The following TASP1 variants were observed in gnomAD, a reference collection of about 807,000 sequenced individuals.
TASP1 encodes threonine aspartase 1.
TASP1 carries 16 observed loss-of-function variants against 56.6 expected under a neutral mutation model. The observed-to-expected ratio is 0.28, with a 90% CI of 0.19 to 0.43. TASP1 has a LOEUF of 0.43. TASP1 is among the 20% of genes least tolerant of loss of function. TASP1 has a pLI of 1.00. For missense variants in TASP1, 393 were observed against 511.6 expected, an observed-to-expected ratio of 0.77 and a Z score of 2.24; for synonymous variants, 179 against 184.2, an observed-to-expected ratio of 0.97 and a Z score of 0.23.
At chr20:13,390,913 A>C (rs2123558100) in intron 13 of TASP1, among the ~76,000 whole-genome samples, 1 of 152,326 alleles carries the variant, frequency 6.6e-6, no homozygotes. Context: ...AGTAGCTTAC[A>C]AAAACTCAGA....
intron 12 of TASP1, 127 bp downstream of exon 12, chr20:13,434,917 T>A (rs1292793742): frequency 3.4e-6 from 2 of 596,348 alleles, no homozygotes; most frequent in Non-Finnish European, 5.9e-6. Flanking sequence ...AACAGGGATG[T>A]TCAGATATCA....
At chr20:13,315,224 C>T in the TASP1 span, among the ~76,000 whole-genome samples, 1 of 151,900 alleles carries the variant, frequency 6.6e-6, no homozygotes, top group African/African-American at 2.4e-5. Flanking sequence ...CATCAATGAC[C>T]TAAATATACC....
intron 11 of TASP1, among the ~76,000 whole-genome samples, chr20:13,458,567 T>C (rs529346658): frequency 1.3e-5 from 2 of 152,146 alleles, no homozygotes; most frequent in African/African-American, 4.8e-5. Flanking sequence ...CTCAAACTCC[T>C]GACCCTTGGA....
At chr20:13,274,676 C>A in the TASP1 span, among the ~76,000 whole-genome samples, 27 of 151,846 alleles carry the variant, frequency 1.8e-4, no homozygotes, top group African/African-American at 6.5e-4. Flanking sequence ...CCCCGCCCCC[C>A]CCGCGCCCGG....
the TASP1 span, chr20:13,167,433 G>A: frequency 6.6e-6 from 1 of 152,052 alleles, no homozygotes; most frequent in Non-Finnish European, 1.5e-5. Context: ...TGCGCACTCA[G>A]CCCTTCTGTT....
intron 13 of TASP1, among the ~76,000 whole-genome samples, chr20:13,412,819 T>C (rs1315469834): frequency 6.6e-6 from 1 of 152,344 alleles, no homozygotes; most frequent in Non-Finnish European, 1.5e-5. Flanking sequence ...ATCTGGAATG[T>C]TGAATTTGGA....
the TASP1 span, among the ~76,000 whole-genome samples, chr20:13,306,270 T>C: frequency 6.6e-6 from 1 of 152,198 alleles, no homozygotes; most frequent in Admixed American, 6.5e-5. Flanking sequence ...AAAGGAATTT[T>C]TTTTCTATGT....
chr20:13,188,503 A>G, the TASP1 span, among the ~76,000 whole-genome samples: 30 of 152,202 alleles, frequency 2.0e-4, no homozygotes, highest in Non-Finnish European at 3.4e-4. Context: ...CTACAATAAA[A>G]ACTATAAAAC....
the TASP1 span, among the ~76,000 whole-genome samples, chr20:13,356,470 T>G: frequency 1.3e-5 from 2 of 152,236 alleles, no homozygotes; most frequent in Non-Finnish European, 2.9e-5. Flanking sequence ...TAGCTCAACA[T>G]GACTTTACTG....
At chr20:13,275,565 T>C in the TASP1 span, among the ~76,000 whole-genome samples, 1 of 152,318 alleles carries the variant, frequency 6.6e-6, no homozygotes, top group East Asian at 1.9e-4. Context: ...CGTAGCCCCA[T>C]GCGGGTTACT....
At chr20:13,581,829 G>GC (rs2047136213) in intron 5 of TASP1, among the ~76,000 whole-genome samples, 1 of 152,146 alleles carries the variant, frequency 6.6e-6, no homozygotes, top group South Asian at 2.1e-4. Flanking sequence ...ATTCTGTCAT[G>GC]TAACCACACT....
chr20:13,303,889 G>A, the TASP1 span, among the ~76,000 whole-genome samples: 1 of 152,210 alleles, frequency 6.6e-6, no homozygotes, highest in Non-Finnish European at 1.5e-5. Flanking sequence ...CATTATTTAA[G>A]GTGATGCTGG....
At chr20:13,553,281 T>C (rs1303562275) in intron 8 of TASP1, among the ~76,000 whole-genome samples, 1 of 152,090 alleles carries the variant, frequency 6.6e-6, no homozygotes, top group Non-Finnish European at 1.5e-5. Context: ...TATTTAAAGG[T>C]CATGGAACAA....
At chr20:13,366,129 T>C in the TASP1 span, among the ~76,000 whole-genome samples, 1 of 152,162 alleles carries the variant, frequency 6.6e-6, no homozygotes, top group Non-Finnish European at 1.5e-5. Flanking sequence ...TGGAATATGT[T>C]TTGGACATAT....
rs12480977 is a variant in TASP1, at chr20:13,420,413, T to C, written c.1097-2892A>G. On this transcript the variant is annotated intron_variant, in intron 12 of 13. Coordinates refer to ENST00000337743, the MANE Select transcript of TASP1 (RefSeq NM_017714.3). ...AAAGAAAATAACTCAATGTCTAAAA[T>C]TTCATTCTTCACTGTTTTCACAAAC... Among the ~76,000 whole-genome samples, 602 of 152,324 alleles carry C rather than the reference T, an allele frequency of 4.0e-3. 3 individuals carry two copies. The highest frequency in any genetic ancestry group is 0.01 in the East Asian group (53 of 5,186).
chr20:13,394,967 T>C lies in TASP1; in HGVS notation c.1171-4515A>G, dbSNP rs117437116. ...TAAGAAAATTAAGAGAAAAGTAATATAGAAAGTATATAATTGCCTGATAAC... is the reference window on the plus strand; with the variant it reads ...TAAGAAAATTAAGAGAAAAGTAATACAGAAAGTATATAATTGCCTGATAAC... On this transcript the variant is annotated intron_variant, in intron 13 of 13. Coordinates refer to ENST00000337743, the MANE Select transcript of TASP1 (RefSeq NM_017714.3). Among the ~76,000 whole-genome samples, 690 of 152,312 alleles carry C rather than the reference T, an allele frequency of 4.5e-3. 3 individuals carry two copies. The highest frequency in any genetic ancestry group is 0.01 in the East Asian group (54 of 5,182).
chr20:13,513,089 T>C (rs1350512915), intron 10 of TASP1, among the ~76,000 whole-genome samples: 6 of 152,168 alleles, frequency 3.9e-5, no homozygotes, highest in Non-Finnish European at 7.3e-5. Flanking sequence ...ATGTGGGCTC[T>C]TTTTTGGTTC....
intron 12 of TASP1, among the ~76,000 whole-genome samples, chr20:13,420,599 T>C (rs1008325582): frequency 2.6e-5 from 4 of 152,242 alleles, no homozygotes; most frequent in Non-Finnish European, 5.9e-5. Context: ...AGAAATTATT[T>C]CATTACTTGT....
the TASP1 span, among the ~76,000 whole-genome samples, chr20:13,335,766 G>GA: frequency 6.6e-6 from 1 of 152,084 alleles, no homozygotes; most frequent in African/African-American, 2.4e-5. Flanking sequence ...TGACAAGGTT[G>GA]AAAAAATGTC....
Sources: gnomAD v4.1 joint callset for allele counts (sites outside exome capture counted in the v4.1 genomes callset) on GRCh38, gnomAD v4.1.1 for gene constraint, MANE v1.5 for transcripts, NCBI Gene and HGNC (gene_info 2026-07-23, HGNC 2026-07-21) for gene names.